ASXL2: variants seen among roughly 807,000 people sequenced by gnomAD.
ASXL2 encodes putative Polycomb group protein ASXL2.
In ASXL2, 23 loss-of-function variants were observed where a neutral mutation model predicts 122.0. That is an observed-to-expected ratio of 0.19 (90% CI 0.14 to 0.27). ASXL2 has a LOEUF of 0.27. Among genes scored for constraint, ASXL2 ranks in the 10% least tolerant of loss-of-function variants. The pLI is 1.00. For synonymous variants in ASXL2, 650 were observed against 637.0 expected (o/e 1.02, Z -0.31); for missense variants, 1,518 against 1,713.8 (o/e 0.89, Z 2.02).
intron 9 of ASXL2, among the ~76,000 whole-genome samples, chr2:25,756,904 G>A (rs922250891): frequency 6.6e-6 from 1 of 152,210 alleles, no homozygotes; most frequent in African/African-American, 2.4e-5. Flanking sequence ...GGGTAATAGT[G>A]TTCTATATAA....
intron 3 of ASXL2, among the ~76,000 whole-genome samples, chr2:25,833,687 C>A (rs1056333584): frequency 4.0e-5 from 6 of 151,500 alleles, no homozygotes; most frequent in Non-Finnish European, 7.4e-5. Context: ...CAGAGCAAGA[C>A]CCTGTCTCAA....
rs2088372778 is a variant in ASXL2 at position 25,767,570 on chromosome 2, T to TA, written c.775+12dup. 2 of 1,607,570 alleles carry TA rather than the reference T, an allele frequency of 1.2e-6. No individual in the cohort carries two copies. Among genetic ancestry groups the TA allele is most frequent in the African/African-American group, 2.7e-5 (2 of 74,742 alleles). On this transcript the variant is annotated intron_variant, in intron 8 of 12. Transcript: ENST00000435504. ...ATGGCAATGAAAACTGAAGTCTTTG[T>TA]AAGCAAACTTACTGGTATGGAGTCT...
chr2:25,741,988 T>C lies in ASXL2; in HGVS notation c.*41A>G, dbSNP rs1196327638. ...GCAAAAAACCCAACTGGTCAACCCT[T>C]CCCTTCCCCCTCCTTTACAGTGTAT... On this transcript the variant is annotated 3_prime_UTR_variant, in exon 13 of 13. Coordinates refer to ENST00000435504, the MANE Select transcript of ASXL2 (RefSeq NM_018263.6). 4 of 1,557,320 alleles carry C rather than the reference T, an allele frequency of 2.6e-6. No homozygotes were observed. Among genetic ancestry groups the C allele is most frequent in the Admixed American group, 3.7e-5 (2 of 54,664 alleles).
intron 1 of ASXL2, among the ~76,000 whole-genome samples, chr2:25,848,984 G>T (rs1574447170): frequency 7.0e-6 from 1 of 143,116 alleles, no homozygotes; most frequent in Non-Finnish European, 1.5e-5. Flanking sequence ...GGCGGAGGTT[G>T]CAGTGAGCTG....
At chr2:25,853,438 T>C (rs7564110) in intron 1 of ASXL2, among the ~76,000 whole-genome samples, 151,854 of 152,298 alleles carry the variant, frequency 1, 75,710 homozygotes, top group East Asian at 1. Flanking sequence ...ACTAGACTCT[T>C]GTGGTTCACT....
intron 1 of ASXL2, among the ~76,000 whole-genome samples, chr2:25,846,185 A>G (rs1202116075): frequency 1.3e-5 from 2 of 152,218 alleles, no homozygotes; most frequent in Non-Finnish European, 2.9e-5. Flanking sequence ...GAGGCACAGT[A>G]AAGAGGGCAT....
chr2:25,835,699 T>C (rs2089502725), intron 2 of ASXL2, among the ~76,000 whole-genome samples, 159 bp from the exon 3 acceptor site: 1 of 152,178 alleles, frequency 6.6e-6, no homozygotes, highest in South Asian at 2.1e-4. Flanking sequence ...AATTTCTTCA[T>C]TAAAATTTAT....
At chr2:25,770,014 C>T (rs929050142) in intron 6 of ASXL2, among the ~76,000 whole-genome samples, 5 of 152,148 alleles carry the variant, frequency 3.3e-5, no homozygotes, top group African/African-American at 1.2e-4. Context: ...TATTGACTGA[C>T]CATTGATTAT....
intron 3 of ASXL2, among the ~76,000 whole-genome samples, chr2:25,817,721 G>T (rs1047746294): frequency 1.3e-4 from 20 of 152,070 alleles, no homozygotes; most frequent in South Asian, 2.1e-4. Context: ...TAGAACAGCA[G>T]GTAAGAGGGG....
At chr2:25,836,308 C>T (rs1433868510) in intron 2 of ASXL2, among the ~76,000 whole-genome samples, 1 of 152,162 alleles carries the variant, frequency 6.6e-6, no homozygotes, top group Non-Finnish European at 1.5e-5. Context: ...ATTATCAATA[C>T]AAATAATGTT....
chr2:25,761,043 T>C (rs985118462), intron 8 of ASXL2, among the ~76,000 whole-genome samples: 2 of 152,180 alleles, frequency 1.3e-5, no homozygotes, highest in African/African-American at 4.8e-5. Flanking sequence ...TTACCCTCAA[T>C]TTACCCAATT....
intron 2 of ASXL2, among the ~76,000 whole-genome samples, chr2:25,844,975 CTG>C (rs1574445166): frequency 1.3e-5 from 2 of 152,124 alleles, no homozygotes; most frequent in South Asian, 2.1e-4. Flanking sequence ...AAATTAAAGT[CTG>C]TGTTATCTTT....
chr2:25,820,537 A>G (rs1283213648), intron 3 of ASXL2, among the ~76,000 whole-genome samples: 1 of 152,234 alleles, frequency 6.6e-6, no homozygotes, highest in Non-Finnish European at 1.5e-5. Flanking sequence ...GATTCCATTT[A>G]TATGAATGTC....
At chr2:25,748,483 A>G (rs1031835247) in intron 12 of ASXL2, among the ~76,000 whole-genome samples, 4 of 150,780 alleles carry the variant, frequency 2.7e-5, no homozygotes, top group Non-Finnish European at 3.0e-5. Context: ...TCCAGCCTGG[A>G]CAACAGAACG....
In ASXL2 at chr2:25,741,241, A is replaced by C. The variant is rs1312021930; in HGVS notation, c.*788T>G. 4.4e-6 allele frequency: 1 copy of C among 225,998 alleles called. No homozygotes were observed. The highest frequency in any genetic ancestry group is 8.8e-6 in the Non-Finnish European group (1 of 113,620). 14.0% of individuals were successfully genotyped at this position (225,998 alleles called of 1,614,324 possible). ...ATTGTTGCACTGCACAGCCTGTAAC[A>C]ACACAGGGGGTCCCAGAGAGGCACT... On this transcript the variant is annotated 3_prime_UTR_variant, in exon 13 of 13. Coordinates refer to ENST00000435504, the MANE Select transcript of ASXL2 (RefSeq NM_018263.6).
chr2:25,779,481 A>T (rs1412067152), intron 5 of ASXL2, among the ~76,000 whole-genome samples: 1 of 152,100 alleles, frequency 6.6e-6, no homozygotes, highest in African/African-American at 2.4e-5. Flanking sequence ...TTTGCTTAGT[A>T]CTATATAGTT....
chr2:25,768,722 A>G lies in ASXL2; in HGVS notation c.631+20T>C. The G allele has an allele frequency of 6.3e-7, 1 of 1,599,858 alleles. No individual in the cohort carries two copies. The highest frequency in any genetic ancestry group is 8.5e-7 in the Non-Finnish European group (1 of 1,175,142). Reference sequence around the variant, plus strand: ...CTAGGAAAAAGAAACTTCCATTGAAAAACTGCCCAAACTGCCTACCAGGTT... The same window carrying G: ...CTAGGAAAAAGAAACTTCCATTGAAGAACTGCCCAAACTGCCTACCAGGTT... On this transcript the variant is annotated intron_variant, in intron 7 of 12. Coordinates refer to ENST00000435504, the MANE Select transcript of ASXL2 (RefSeq NM_018263.6).
At chr2:25,857,228 G>A (rs1237281538) in intron 1 of ASXL2, among the ~76,000 whole-genome samples, 1 of 152,022 alleles carries the variant, frequency 6.6e-6, no homozygotes, top group African/African-American at 2.4e-5. Context: ...AGAGAACACA[G>A]AGAAAAAGCA....
At chr2:25,798,739 G>A (rs555643692) in intron 5 of ASXL2, among the ~76,000 whole-genome samples, 1 of 152,262 alleles carries the variant, frequency 6.6e-6, no homozygotes, top group East Asian at 1.9e-4. Context: ...ACTCCAGCCA[G>A]GGCCACAAGA....
Sources: allele counts gnomAD v4.1 joint callset (sites outside exome capture counted in the v4.1 genomes callset), GRCh38; gene constraint gnomAD v4.1.1; transcripts MANE v1.5; gene names NCBI Gene and HGNC (gene_info 2026-07-23, HGNC 2026-07-21).